Variants in ARHGAP32 observed in about 807,000 individuals in gnomAD.
The protein encoded by ARHGAP32 is Rho GTPase activating protein 32.
ARHGAP32 carries 51 observed loss-of-function variants against 186.5 expected under a neutral mutation model. The ratio of observed to expected loss-of-function variants is 0.27; its 90% CI spans 0.22 to 0.35. ARHGAP32 has a LOEUF of 0.35. ARHGAP32 is among the 10% of genes least tolerant of loss of function. The probability of loss-of-function intolerance (pLI) is 1.00; values close to 1 mark genes in which losing one functional copy is unlikely to be tolerated. For missense variants in ARHGAP32, 2,186 were observed against 2,623.5 expected, an observed-to-expected ratio of 0.83 and a Z score of 3.64; for synonymous variants, 950 against 964.3, an observed-to-expected ratio of 0.99 and a Z score of 0.27.
At chr11:129,231,119 G>GT (rs1221127213) in intron 1 of ARHGAP32, among the ~76,000 whole-genome samples, 2 of 152,156 alleles carry the variant, frequency 1.3e-5, no homozygotes, top group Non-Finnish European at 2.9e-5. Context: ...GGGCAACAGA[G>GT]TAAGACGCCA....
intron 19 of ARHGAP32, among the ~76,000 whole-genome samples, chr11:128,976,965 C>T (rs1945563041): frequency 6.6e-6 from 1 of 152,158 alleles, no homozygotes; most frequent in Non-Finnish European, 1.5e-5. Flanking sequence ...TGAATGACAT[C>T]ATACTGGATT....
At chr11:129,259,393 G>C (rs1479123368) in intron 1 of ARHGAP32, among the ~76,000 whole-genome samples, 2 of 152,048 alleles carry the variant, frequency 1.3e-5, no homozygotes, top group Non-Finnish European at 2.9e-5. Flanking sequence ...CATACTGAGA[G>C]ATGTTACTAG....
At chr11:129,069,307 T>G (rs1940795657) in intron 6 of ARHGAP32, among the ~76,000 whole-genome samples, 1 of 152,074 alleles carries the variant, frequency 6.6e-6, no homozygotes, top group Non-Finnish European at 1.5e-5. Context: ...ATTTAAGAAT[T>G]AAATCAAATA....
intron 1 of ARHGAP32, among the ~76,000 whole-genome samples, chr11:129,277,534 A>G (rs931414267): frequency 7.9e-5 from 12 of 152,192 alleles, no homozygotes; most frequent in African/African-American, 2.9e-4. Flanking sequence ...ACCCACCTCA[A>G]TGTGAACGAT....
At chr11:129,151,590 G>A (rs575258782) in intron 2 of ARHGAP32, among the ~76,000 whole-genome samples, 44 of 152,116 alleles carry the variant, frequency 2.9e-4, no homozygotes, top group African/African-American at 9.2e-4. Context: ...AAAAACACAC[G>A]AAAATTAAAT....
At chr11:128,985,247 A>C (rs1945830049) in intron 15 of ARHGAP32, among the ~76,000 whole-genome samples, 1 of 152,052 alleles carries the variant, frequency 6.6e-6, no homozygotes, top group South Asian at 2.1e-4. Context: ...CAAACTCCTC[A>C]CCTCAGGTGA....
chr11:129,112,967 TTC>T (rs1464571322), intron 5 of ARHGAP32, among the ~76,000 whole-genome samples: 1 of 152,156 alleles, frequency 6.6e-6, no homozygotes, highest in Non-Finnish European at 1.5e-5. Flanking sequence ...TTCATTAATT[TTC>T]TTTTTTAAAA....
intron 10 of ARHGAP32, among the ~76,000 whole-genome samples, chr11:129,045,104 C>T (rs1363384704): frequency 6.6e-6 from 1 of 152,158 alleles, no homozygotes; most frequent in Non-Finnish European, 1.5e-5. Flanking sequence ...AATCCCTGCC[C>T]TCTTGTTTTA....
At chr11:129,105,076 T>C (rs1237016045) in intron 5 of ARHGAP32, among the ~76,000 whole-genome samples, 1 of 152,146 alleles carries the variant, frequency 6.6e-6, no homozygotes, top group Non-Finnish European at 1.5e-5. Context: ...TCACCTAATA[T>C]GGAACTCATT....
intron 1 of ARHGAP32, among the ~76,000 whole-genome samples, chr11:129,174,231 G>T (rs1034156862): frequency 6.6e-6 from 1 of 152,186 alleles, no homozygotes; most frequent in African/African-American, 2.4e-5. Context: ...GCGCTTTTCC[G>T]ACGGGCCTAA....
At chr11:129,178,952 TTAAAC>T (rs1943984918) in intron 1 of ARHGAP32, among the ~76,000 whole-genome samples, 3 of 152,020 alleles carry the variant, frequency 2.0e-5, no homozygotes, top group Admixed American at 2.0e-4. Flanking sequence ...TGGGATCTAA[TTAAAC>T]TAAAGAGCTT....
At chr11:129,028,117 A>G (rs1474437022) in intron 11 of ARHGAP32, among the ~76,000 whole-genome samples, 1 of 152,234 alleles carries the variant, frequency 6.6e-6, no homozygotes, top group Admixed American at 6.5e-5. Flanking sequence ...CATCCATATA[A>G]AAGACGCAAA....
At chr11:129,032,776 G>A (rs1215441353) in intron 11 of ARHGAP32, among the ~76,000 whole-genome samples, 13 of 152,172 alleles carry the variant, frequency 8.5e-5, no homozygotes, top group Non-Finnish European at 1.5e-4. Flanking sequence ...AATAGAAAGA[G>A]ACTTAAATAG....
chr11:129,115,904 A>C (rs2072856517), intron 5 of ARHGAP32, among the ~76,000 whole-genome samples: 1 of 152,086 alleles, frequency 6.6e-6, no homozygotes, highest in Non-Finnish European at 1.5e-5. Context: ...GAGAATGGGC[A>C]GGAATGCCAG....
intron 5 of ARHGAP32, among the ~76,000 whole-genome samples, chr11:129,099,531 A>G (rs1031973820): frequency 6.6e-6 from 1 of 152,194 alleles, no homozygotes; most frequent in Admixed American, 6.5e-5. Flanking sequence ...GCATTACTAT[A>G]TATGGTGGTT....
At chr11:129,002,822 T>C (rs1226909491) in intron 11 of ARHGAP32, among the ~76,000 whole-genome samples, 1 of 148,246 alleles carries the variant, frequency 6.7e-6, no homozygotes, top group African/African-American at 2.5e-5. Context: ...TTTTTTTTTT[T>C]TTTTGAGACG....
chr11:129,013,400 C>G (rs1938185810), intron 11 of ARHGAP32, among the ~76,000 whole-genome samples: 1 of 152,180 alleles, frequency 6.6e-6, no homozygotes, highest in African/African-American at 2.4e-5. Context: ...ACATCCCAAT[C>G]TGAGACACTG....
intron 19 of ARHGAP32, among the ~76,000 whole-genome samples, chr11:128,978,497 T>A (rs1169596935): frequency 6.6e-6 from 1 of 152,192 alleles, no homozygotes; most frequent in East Asian, 1.9e-4. Flanking sequence ...TACAACAATA[T>A]ACAAGGTATA....
intron 6 of ARHGAP32, among the ~76,000 whole-genome samples, chr11:129,073,725 A>G (rs1246465684): frequency 6.6e-6 from 1 of 151,352 alleles, no homozygotes; most frequent in Non-Finnish European, 1.5e-5. Flanking sequence ...GAGAACATAA[A>G]GCAGGATAAA....
Sources: allele counts gnomAD v4.1 joint callset (sites outside exome capture counted in the v4.1 genomes callset), GRCh38; gene constraint gnomAD v4.1.1; transcripts MANE v1.5; gene names NCBI Gene and HGNC (gene_info 2026-07-23, HGNC 2026-07-21).